Variants in FBXL7 observed in about 807,000 individuals in gnomAD.
The protein encoded by FBXL7 is F-box/LRR-repeat protein 7.
FBXL7 carries 12 observed loss-of-function variants against 38.3 expected under a neutral mutation model. That is an observed-to-expected ratio of 0.31 (90% CI 0.20 to 0.51). The LOEUF (loss-of-function observed/expected upper bound fraction) is 0.51. FBXL7 is among the 20% of genes least tolerant of loss of function. The pLI, the probability that FBXL7 is intolerant of heterozygous loss-of-function variation, is 0.98. For missense variants in FBXL7, 567 were observed against 676.4 expected, an observed-to-expected ratio of 0.84 and a Z score of 1.79; for synonymous variants, 297 against 300.9, an observed-to-expected ratio of 0.99 and a Z score of 0.13.
intron 1 of FBXL7, among the ~76,000 whole-genome samples, chr5:15,594,386 A>G (rs780801451): frequency 1.3e-4 from 20 of 152,246 alleles, no homozygotes; most frequent in Non-Finnish European, 2.5e-4. Context: ...GGTCCACGCT[A>G]GAAAACTACT....
At chr5:15,867,879 G>C (rs1408584819) in intron 2 of FBXL7, among the ~76,000 whole-genome samples, 1 of 152,132 alleles carries the variant, frequency 6.6e-6, no homozygotes, top group African/African-American at 2.4e-5. Context: ...GGTGAGGCAG[G>C]CGGATCACAA....
At chr5:15,697,099 T>G (rs1174132995) in intron 2 of FBXL7, among the ~76,000 whole-genome samples, 1 of 152,154 alleles carries the variant, frequency 6.6e-6, no homozygotes, top group Non-Finnish European at 1.5e-5. Flanking sequence ...AAATAGATTA[T>G]GGGAAGTTCT....
chr5:15,763,066 A>C (rs946765238), intron 2 of FBXL7, among the ~76,000 whole-genome samples: 23 of 152,152 alleles, frequency 1.5e-4, no homozygotes, highest in Non-Finnish European at 2.9e-4. Context: ...TCACTGGGCT[A>C]CATCTAGCGA....
intron 2 of FBXL7, among the ~76,000 whole-genome samples, chr5:15,805,878 C>A (rs553055569): frequency 1.3e-5 from 2 of 152,246 alleles, no homozygotes; most frequent in East Asian, 3.9e-4. Flanking sequence ...TTGCAGAATT[C>A]TTTGGGCATT....
intron 2 of FBXL7, among the ~76,000 whole-genome samples, chr5:15,845,562 ATAAT>A (rs772099956): frequency 4.2e-4 from 64 of 152,246 alleles, no homozygotes; most frequent in Non-Finnish European, 7.6e-4. Flanking sequence ...TAATATTCAA[ATAAT>A]TAAGATACAG....
chr5:15,634,530 A>G (rs1054398416), intron 2 of FBXL7, among the ~76,000 whole-genome samples: 10 of 151,430 alleles, frequency 6.6e-5, no homozygotes, highest in African/African-American at 2.4e-4. Context: ...CCCTAGGGCC[A>G]GGCTGGTGTC....
chr5:15,904,573 T>C (rs980565307), intron 2 of FBXL7, among the ~76,000 whole-genome samples: 3 of 152,154 alleles, frequency 2.0e-5, no homozygotes, highest in African/African-American at 7.2e-5. Flanking sequence ...GTCAAAATTA[T>C]TTGTTAGGAA....
chr5:15,664,261 C>T (rs906964615), intron 2 of FBXL7, among the ~76,000 whole-genome samples: 2 of 152,098 alleles, frequency 1.3e-5, no homozygotes, highest in African/African-American at 4.8e-5. Flanking sequence ...ATTTTTCTCT[C>T]TCTCAGTCTT....
intron 2 of FBXL7, among the ~76,000 whole-genome samples, chr5:15,807,896 A>C (rs1647088831): frequency 1.3e-5 from 2 of 152,152 alleles, no homozygotes; most frequent in Admixed American, 6.5e-5. Context: ...ACATTACAAT[A>C]CAATCCACTC....
intron 2 of FBXL7, among the ~76,000 whole-genome samples, chr5:15,913,665 GA>G (rs1423880861): frequency 6.6e-6 from 1 of 152,188 alleles, no homozygotes; most frequent in Non-Finnish European, 1.5e-5. Flanking sequence ...TGAGACTAAA[GA>G]ATTATCTGAC....
At chr5:15,869,486 G>A (rs1350349931) in intron 2 of FBXL7, among the ~76,000 whole-genome samples, 1 of 152,136 alleles carries the variant, frequency 6.6e-6, no homozygotes, top group Admixed American at 6.5e-5. Flanking sequence ...TCCAGACTGA[G>A]ACAATAAATT....
rs530297865 is a variant in FBXL7, at chr5:15,730,558, T to G, written c.127+114486T>G. ...AAAATATATTGTTTTATTTAAAGAC[T>G]TAGAATTTCTGTCAATGTGGACTAC... is the stretch of plus-strand genomic sequence containing the variant. On this transcript the variant is annotated intron_variant, in intron 2 of 3. Coordinates refer to ENST00000504595, the MANE Select transcript of FBXL7 (RefSeq NM_012304.5). Among the ~76,000 whole-genome samples, 8 of 152,298 alleles carry G rather than the reference T, an allele frequency of 5.3e-5. 1 individual carries two copies. The South Asian group carries it at 1.4e-3, about 28-fold the overall frequency.
intron 2 of FBXL7, among the ~76,000 whole-genome samples, chr5:15,912,883 C>T (rs1020199328): frequency 2.6e-4 from 40 of 152,184 alleles, no homozygotes; most frequent in African/African-American, 9.1e-4. Flanking sequence ...CTGTAGTAGG[C>T]CCAGGGAACT....
chr5:15,517,687 A>G (rs1172388503), intron 1 of FBXL7, among the ~76,000 whole-genome samples: 1 of 152,228 alleles, frequency 6.6e-6, no homozygotes, highest in Non-Finnish European at 1.5e-5. Context: ...GAATAGATTT[A>G]GAAAGGTCAC....
intron 2 of FBXL7, among the ~76,000 whole-genome samples, chr5:15,703,523 C>T (rs1428394637): frequency 6.6e-6 from 1 of 152,156 alleles, no homozygotes; most frequent in African/African-American, 2.4e-5. Flanking sequence ...TATTGCTTCA[C>T]TTTTTGTGCA....
At chr5:15,745,532 A>T (rs904699254) in intron 2 of FBXL7, among the ~76,000 whole-genome samples, 3 of 152,188 alleles carry the variant, frequency 2.0e-5, no homozygotes, top group African/African-American at 7.2e-5. Flanking sequence ...GAAGTGAAAA[A>T]AAGTAGAATG....
chr5:15,677,681 A>G (rs1425349944), intron 2 of FBXL7, among the ~76,000 whole-genome samples: 1 of 152,138 alleles, frequency 6.6e-6, no homozygotes, highest in Non-Finnish European at 1.5e-5. Context: ...TATTAAAATC[A>G]TTGATCAGAG....
At chr5:15,666,132 G>A (rs955234686) in intron 2 of FBXL7, among the ~76,000 whole-genome samples, 1 of 151,976 alleles carries the variant, frequency 6.6e-6, no homozygotes, top group Non-Finnish European at 1.5e-5. Context: ...AGTTGGTATC[G>A]ATTCATAAAT....
At chr5:15,513,167 A>T (rs1027614958) in intron 1 of FBXL7, among the ~76,000 whole-genome samples, 1 of 152,204 alleles carries the variant, frequency 6.6e-6, no homozygotes, top group Non-Finnish European at 1.5e-5. Flanking sequence ...AAAAAGAACA[A>T]TATTGACCTG....
Sources: gnomAD v4.1 joint callset for allele counts (sites outside exome capture counted in the v4.1 genomes callset) on GRCh38, gnomAD v4.1.1 for gene constraint, MANE v1.5 for transcripts, NCBI Gene and HGNC (gene_info 2026-07-23, HGNC 2026-07-21) for gene names.